FRMD6: variants seen among roughly 807,000 people sequenced by gnomAD.
FRMD6 encodes FERM domain-containing protein 6.
A neutral mutation model predicts 73.2 loss-of-function variants in FRMD6; 37 were observed. That is an observed-to-expected ratio of 0.51 (90% confidence interval 0.39 to 0.66). The LOEUF is 0.66. FRMD6 is among the 30% of genes least tolerant of loss of function. The pLI is 0.00. For synonymous variants in FRMD6, 273 were observed against 282.2 expected (o/e 0.97, Z 0.33); for missense variants, 714 against 780.5 (o/e 0.91, Z 1.02).
chr14:51,617,246 A>G (rs1382022818), intron 2 of FRMD6, among the ~76,000 whole-genome samples: 1 of 152,198 alleles, frequency 6.6e-6, no homozygotes, highest in Admixed American at 6.5e-5. Flanking sequence ...CTGACCTTGT[A>G]TATGATAGCC....
chr14:51,625,255 T>C (rs1891073017), intron 2 of FRMD6, among the ~76,000 whole-genome samples: 2 of 152,148 alleles, frequency 1.3e-5, no homozygotes, highest in African/African-American at 4.8e-5. Flanking sequence ...TTTGTGTGTG[T>C]GTTGGAGGTG....
chr14:51,722,072 GACACTCTGGTGAGCTCTT>G lies in FRMD6; in HGVS notation c.1487_1492+12del. ...ATGCTCATGTCGCGGAAGCTGAATG[GACACTCTGGTGAGCTCTT>G]ACGGGAAGTTATTCTTCCTTGGTAG... On this transcript the variant is annotated splice_donor_variant and splice_donor_5th_base_variant and coding_sequence_variant and intron_variant, in exon 12 of 14. Coordinates refer to ENST00000344768, the MANE Select transcript of FRMD6 (RefSeq NM_001267046.2). LOFTEE classifies it high-confidence loss of function. The G allele has an allele frequency of 6.2e-7, 1 of 1,614,068 alleles. No individual in the cohort carries two copies.
chr14:51,440,256 C>T, the FRMD6 span, among the ~76,000 whole-genome samples: 3 of 152,082 alleles, frequency 2.0e-5, no homozygotes, highest in Non-Finnish European at 4.4e-5. Context: ...TGAATATACT[C>T]GTTAAAAATA....
the FRMD6 span, among the ~76,000 whole-genome samples, chr14:51,424,894 A>G: frequency 6.6e-6 from 1 of 152,226 alleles, no homozygotes; most frequent in Non-Finnish European, 1.5e-5. Flanking sequence ...TCTCCAGATC[A>G]ACTCCCTTCT....
the FRMD6 span, among the ~76,000 whole-genome samples, chr14:51,428,913 GGAGAGAGAGAGGGGGA>G: frequency 6.7e-6 from 1 of 149,250 alleles, no homozygotes; most frequent in Non-Finnish European, 1.5e-5. Flanking sequence ...GAGGCTACAT[GGAGAGAGAGAGGGGGA>G]GAGAGAGAGA....
At chr14:51,454,771 G>A in the FRMD6 span, 11 of 152,128 alleles carry the variant, frequency 7.2e-5, no homozygotes, top group South Asian at 4.2e-4. Context: ...TGCAAAGGAA[G>A]GGTCTTGGAA....
intron 2 of FRMD6, among the ~76,000 whole-genome samples, chr14:51,626,078 C>T (rs911795752): frequency 6.6e-6 from 1 of 152,134 alleles, no homozygotes; most frequent in Non-Finnish European, 1.5e-5. Context: ...TTTAGTGGCC[C>T]TGGAAATAGA....
intron 1 of FRMD6, among the ~76,000 whole-genome samples, chr14:51,680,657 C>CTAGT (rs1191584360): frequency 6.6e-6 from 1 of 151,840 alleles, no homozygotes; most frequent in African/African-American, 2.4e-5. Context: ...TTTATTCCTG[C>CTAGT]TAGTCCTATT....
At chr14:51,424,431 G>C in the FRMD6 span, among the ~76,000 whole-genome samples, 5 of 152,180 alleles carry the variant, frequency 3.3e-5, no homozygotes, top group African/African-American at 1.2e-4. Context: ...TCATATCGTT[G>C]ATCTTCATTG....
chr14:51,543,181 A>G (rs1193255849), intron 1 of FRMD6, among the ~76,000 whole-genome samples: 2 of 152,008 alleles, frequency 1.3e-5, no homozygotes, highest in Non-Finnish European at 2.9e-5. Flanking sequence ...CAGTAAAACA[A>G]CTAATCTTGC....
chr14:51,505,104 G>T (rs1883877849), intron 1 of FRMD6, among the ~76,000 whole-genome samples: 1 of 152,204 alleles, frequency 6.6e-6, no homozygotes, highest in Non-Finnish European at 1.5e-5. Flanking sequence ...CTACCCAGAG[G>T]TAGGGCTGGA....
chr14:51,666,069 G>C (rs1893567732), intron 1 of FRMD6, among the ~76,000 whole-genome samples: 1 of 152,214 alleles, frequency 6.6e-6, no homozygotes, highest in Admixed American at 6.5e-5. Context: ...TATGATTATA[G>C]TGACACCTGT....
the FRMD6 span, among the ~76,000 whole-genome samples, chr14:51,481,572 T>C: frequency 6.6e-6 from 1 of 152,212 alleles, no homozygotes; most frequent in Non-Finnish European, 1.5e-5. Flanking sequence ...GCCTACTATT[T>C]GCAAAAGTAT....
intron 1 of FRMD6, among the ~76,000 whole-genome samples, chr14:51,683,743 C>A (rs919635671): frequency 3.3e-5 from 5 of 152,194 alleles, no homozygotes; most frequent in African/African-American, 1.2e-4. Flanking sequence ...AGGTAACTTA[C>A]CGAAGGTCAC....
chr14:51,492,242 C>T (rs1363838467), intron 1 of FRMD6, among the ~76,000 whole-genome samples: 4 of 152,114 alleles, frequency 2.6e-5, no homozygotes, highest in Non-Finnish European at 5.9e-5. Context: ...CTCCTAGTAC[C>T]TGTTTGAAAC....
At chr14:51,724,391 A>G (rs530053487) in intron 12 of FRMD6, among the ~76,000 whole-genome samples, 1 of 152,310 alleles carries the variant, frequency 6.6e-6, no homozygotes, top group Non-Finnish European at 1.5e-5. Context: ...CTGAGGGCAC[A>G]TTTACCAGGA....
chr14:51,473,469 C>T, the FRMD6 span, among the ~76,000 whole-genome samples: 3 of 152,164 alleles, frequency 2.0e-5, no homozygotes, highest in African/African-American at 7.2e-5. Flanking sequence ...AATGACCTGG[C>T]CAGTAAGTGA....
At chr14:51,722,539 A>G (rs766011016) in intron 12 of FRMD6, among the ~76,000 whole-genome samples, 5 of 152,164 alleles carry the variant, frequency 3.3e-5, no homozygotes, top group Non-Finnish European at 5.9e-5. Context: ...TTATACTGGT[A>G]GAGGAGTCTG....
the FRMD6 span, among the ~76,000 whole-genome samples, chr14:51,459,826 C>CG: frequency 3.4e-5 from 2 of 58,282 alleles, no homozygotes; most frequent in Non-Finnish European, 5.8e-5. Flanking sequence ...GACTCCATTT[C>CG]AAAAAAAAAA....
Sources: allele counts gnomAD v4.1 joint callset (sites outside exome capture counted in the v4.1 genomes callset), GRCh38; gene constraint gnomAD v4.1.1; transcripts MANE v1.5; gene names NCBI Gene and HGNC (gene_info 2026-07-23, HGNC 2026-07-21).